The following FKBP9 variants were observed in gnomAD, a reference collection of about 807,000 sequenced individuals.
FKBP9 encodes the protein peptidyl-prolyl cis-trans isomerase FKBP9.
A neutral mutation model predicts 55.6 loss-of-function variants in FKBP9; 27 were observed. The observed-to-expected ratio is 0.49, with a 90% CI of 0.36 to 0.67. The LOEUF (loss-of-function observed/expected upper bound fraction) is 0.67. FKBP9 is among the 30% of genes least tolerant of loss of function. The pLI is 0.00. For missense variants in FKBP9, 539 were observed against 742.8 expected (o/e 0.73, Z 3.19); for synonymous variants, 267 against 296.5 (o/e 0.90, Z 1.02).
chr7:32,974,975 C>A (rs563275872), intron 2 of FKBP9: 5 of 635,846 alleles, frequency 7.9e-6, no homozygotes, highest in Non-Finnish European at 1.4e-5. Flanking sequence ...TGAATGATAC[C>A]CTCAATGAGA....
rs118077984 is a variant in FKBP9, at chr7:32,999,123, C to T, written c.1227-992C>T. Among the ~76,000 whole-genome samples the T allele has an allele frequency of 0.012, 1,779 of 152,220 alleles. 79 individuals are homozygous for T. In the East Asian group the frequency reaches 0.15, roughly 12 times the overall value. ...CCTGAGTTGGCTTTGTTTGGGGTTC[C>T]TCCCAGGTGGGAAAACACAAACCCT... is the stretch of plus-strand genomic sequence containing the variant. On this transcript the variant is annotated intron_variant, in intron 7 of 9. Coordinates refer to ENST00000242209, the MANE Select transcript of FKBP9 (RefSeq NM_007270.5).
chr7:33,006,767 C>T lies in FKBP9; in HGVS notation c.*1416C>T, dbSNP rs1030967094. On this transcript the variant is annotated 3_prime_UTR_variant, in exon 10 of 10. Transcript: ENST00000242209. ...TTCCCAAATGGTGGTGGCACTTATC[C>T]TGAAGTCGTCAATGATTTCCCTTTG... 6 of 208,416 alleles carry T rather than the reference C, an allele frequency of 2.9e-5. No individual in the cohort carries two copies. Among genetic ancestry groups the T allele is most frequent in the Admixed American group, 5.9e-5 (1 of 16,896 alleles). 12.9% of individuals were successfully genotyped at this position (208,416 alleles called of 1,614,324 possible). A position where few individuals can be genotyped will look rare whatever the true frequency, so the allele number is the denominator to read the frequency against.
chr7:32,979,009 C>T (rs1476043810), intron 4 of FKBP9, among the ~76,000 whole-genome samples: 2 of 152,160 alleles, frequency 1.3e-5, no homozygotes, highest in African/African-American at 4.8e-5. Context: ...TGGCTGCCGC[C>T]TGTAATCCCA....
At chr7:32,991,945 AAC>A (rs2127986788) in intron 6 of FKBP9, among the ~76,000 whole-genome samples, 1 of 152,150 alleles carries the variant, frequency 6.6e-6, no homozygotes, top group Admixed American at 6.6e-5. Flanking sequence ...CAAACCTGGA[AAC>A]AGTCTTCTGA....
At chr7:32,968,053 C>T (rs192018147) in intron 1 of FKBP9, among the ~76,000 whole-genome samples, 1 of 152,340 alleles carries the variant, frequency 6.6e-6, no homozygotes, top group Non-Finnish European at 1.5e-5. Flanking sequence ...CCGCGCCCAG[C>T]TTAGACAGAG....
intron 8 of FKBP9, among the ~76,000 whole-genome samples, chr7:33,001,205 G>C (rs142830082): frequency 1.3e-3 from 197 of 152,282 alleles, no homozygotes; most frequent in African/African-American, 4.5e-3. Flanking sequence ...GAATTGTAAA[G>C]TACATTGTTC....
chr7:32,965,872 CATAT>C (rs375541462), intron 1 of FKBP9, among the ~76,000 whole-genome samples: 2 of 73,410 alleles, frequency 2.7e-5, no homozygotes, highest in African/African-American at 7.2e-5. Flanking sequence ...TATATACATA[CATAT>C]ATATATATAG....
chr7:32,972,667 A>T (rs1369135261), intron 1 of FKBP9, among the ~76,000 whole-genome samples: 2 of 152,134 alleles, frequency 1.3e-5, no homozygotes, highest in Non-Finnish European at 1.5e-5. Context: ...TTTCATATGC[A>T]TCTATATATG....
intron 1 of FKBP9, among the ~76,000 whole-genome samples, chr7:32,970,769 A>G (rs529727935): frequency 1.3e-5 from 2 of 151,914 alleles, no homozygotes; most frequent in African/African-American, 4.8e-5. Flanking sequence ...ATTAGTTTTA[A>G]CAGCTTTTTT....
intron 1 of FKBP9, among the ~76,000 whole-genome samples, chr7:32,958,161 C>G (rs947718113): frequency 6.6e-6 from 1 of 152,212 alleles, no homozygotes; most frequent in Non-Finnish European, 1.5e-5. Flanking sequence ...TCGTGCCTGC[C>G]TCTCTTCGCC....
At chr7:32,977,870 C>CATGTATATATATATATATATATATAT (rs780985630) in intron 4 of FKBP9, among the ~76,000 whole-genome samples, 72 of 124,618 alleles carry the variant, frequency 5.8e-4, no homozygotes, top group African/African-American at 1.7e-3. Context: ...TATACATGCC[C>CATGTATATATATATATATATATATAT]ATATATATAT....
At chr7:32,986,215 A>G (rs1490948644) in intron 5 of FKBP9, among the ~76,000 whole-genome samples, 2 of 152,132 alleles carry the variant, frequency 1.3e-5, no homozygotes, top group Admixed American at 6.5e-5. Flanking sequence ...CTCTTCCCTT[A>G]GGCAGATCCC....
rs556664557 is a variant in FKBP9 at position 33,001,751 on chromosome 7, A to C, written c.1373-925A>C. On this transcript the variant is annotated intron_variant, in intron 8 of 9. Transcript: ENST00000242209. The stretch of plus-strand genomic sequence containing the variant: ...ATTTGTGCTTACAGTCAAATCTTGG[A>C]TCATCATCTTCAGGCATATTGTTCA... 2.6e-5 allele frequency among the ~76,000 whole-genome samples: 4 copies of C among 152,228 alleles called. No homozygotes were observed. In the East Asian group the frequency reaches 7.7e-4, roughly 29 times the overall value.
chr7:32,994,096 A>G (rs942182429), intron 6 of FKBP9, among the ~76,000 whole-genome samples: 2 of 152,240 alleles, frequency 1.3e-5, no homozygotes, highest in African/African-American at 4.8e-5. Context: ...TTCACATACT[A>G]TAAAAATAAT....
At chr7:32,978,990 C>T (rs992733790) in intron 4 of FKBP9, among the ~76,000 whole-genome samples, 10 of 152,128 alleles carry the variant, frequency 6.6e-5, no homozygotes, top group East Asian at 1.9e-4. Flanking sequence ...AACCCCAGGC[C>T]GGGCGCAGTG....
intron 4 of FKBP9, among the ~76,000 whole-genome samples, chr7:32,977,073 T>C (rs1186690932): frequency 1.3e-5 from 2 of 152,244 alleles, no homozygotes; most frequent in African/African-American, 2.4e-5. Context: ...ATTAACTCCA[T>C]ATGGACAAAA....
rs1461566286 is a variant in FKBP9 at position 32,957,637 on chromosome 7, G to A, written c.64G>A (p.Gly22Arg). The A allele has an allele frequency of 3.3e-6, 5 of 1,497,586 alleles. No individual in the cohort carries two copies. Among genetic ancestry groups the A allele is most frequent in the Non-Finnish European group, 4.4e-6 (5 of 1,132,014 alleles). 92.8% of individuals were successfully genotyped at this position (1,497,586 alleles called of 1,614,324 possible). ...PLLLLLLWVT[G>R]QAAPVAGLGS... ...GCTCCTGCTGCTGCTCTGGGTGACC[G>A]GGCAGGCAGCGCCCGTGGCGGGCCT... Residue 22 changes from glycine (G) to arginine (R), a missense_variant, in exon 1 of 10, where the codon GGG becomes AGG. Coordinates refer to ENST00000242209, the MANE Select transcript of FKBP9 (RefSeq NM_007270.5).
At chr7:32,995,691 C>T (rs1359846172) in intron 6 of FKBP9, among the ~76,000 whole-genome samples, 5 of 151,938 alleles carry the variant, frequency 3.3e-5, no homozygotes, top group Admixed American at 6.6e-5. Flanking sequence ...GTGTTTTTTT[C>T]TTTATGAAGT....
intron 5 of FKBP9, among the ~76,000 whole-genome samples, chr7:32,982,240 C>T (rs1784492043): frequency 6.6e-6 from 1 of 152,014 alleles, no homozygotes; most frequent in Admixed American, 6.6e-5. Context: ...AGGCTGGTCT[C>T]GAACTCCTGA....
Sources: gnomAD v4.1 joint callset for allele counts (sites outside exome capture counted in the v4.1 genomes callset) on GRCh38, gnomAD v4.1.1 for gene constraint, MANE v1.5 for transcripts, NCBI Gene and HGNC (gene_info 2026-07-23, HGNC 2026-07-21) for gene names.